The following LRMDA variants were observed in gnomAD, a reference collection of about 807,000 sequenced individuals.
LRMDA encodes the protein leucine-rich melanocyte differentiation-associated protein.
In LRMDA, 18 loss-of-function variants were observed where a neutral mutation model predicts 29.8. The ratio of observed to expected loss-of-function variants is 0.60; its 90% CI spans 0.42 to 0.90. The LOEUF (loss-of-function observed/expected upper bound fraction) is 0.90. Among genes scored for constraint, LRMDA ranks in the 40% least tolerant of loss-of-function variants. The pLI is 0.00. For missense variants in LRMDA, 273 were observed against 273.9 expected (o/e 1.00, Z 0.02); for synonymous variants, 125 against 109.4 (o/e 1.14, Z -0.89).
intron 2 of LRMDA, among the ~76,000 whole-genome samples, chr10:75,725,196 A>G (rs1436926503): frequency 4.6e-5 from 7 of 152,216 alleles, no homozygotes; most frequent in African/African-American, 1.7e-4. Context: ...GGAGAATCCA[A>G]TCCCCTTTTT....
intron 2 of LRMDA, among the ~76,000 whole-genome samples, chr10:75,904,583 G>A (rs1003851097): frequency 6.6e-6 from 1 of 152,174 alleles, no homozygotes; most frequent in African/African-American, 2.4e-5. Flanking sequence ...ACACTAAAGA[G>A]GACAGTTTTT....
intron 2 of LRMDA, among the ~76,000 whole-genome samples, chr10:75,825,742 G>T (rs1247204774): frequency 6.6e-6 from 1 of 152,174 alleles, no homozygotes; most frequent in African/African-American, 2.4e-5. Flanking sequence ...ACATTATTCT[G>T]CATCTTTTCG....
At chr10:75,915,415 C>A (rs942721033) in intron 2 of LRMDA, among the ~76,000 whole-genome samples, 1 of 151,788 alleles carries the variant, frequency 6.6e-6, no homozygotes, top group South Asian at 2.1e-4. Flanking sequence ...GGATTATAGG[C>A]GTGAGCCACT....
At chr10:75,498,986 C>T (rs2132067465) in intron 2 of LRMDA, among the ~76,000 whole-genome samples, 1 of 152,138 alleles carries the variant, frequency 6.6e-6, no homozygotes, top group African/African-American at 2.4e-5. Flanking sequence ...TGAGTGCCTA[C>T]TGTGTGCAGG....
At chr10:75,764,242 T>C (rs1049769740) in intron 2 of LRMDA, among the ~76,000 whole-genome samples, 3 of 152,174 alleles carry the variant, frequency 2.0e-5, no homozygotes, top group Non-Finnish European at 2.9e-5. Context: ...TCTGTAACCA[T>C]GTCATCAACG....
intron 2 of LRMDA, among the ~76,000 whole-genome samples, chr10:75,571,750 CTAGT>C (rs1444472788): frequency 6.6e-6 from 1 of 152,066 alleles, no homozygotes; most frequent in Non-Finnish European, 1.5e-5. Context: ...TTTTGGGACT[CTAGT>C]TATCTGACCA....
intron 2 of LRMDA, among the ~76,000 whole-genome samples, chr10:75,826,496 C>T (rs112259869): frequency 1.3e-5 from 2 of 152,254 alleles, no homozygotes; most frequent in African/African-American, 4.8e-5. Flanking sequence ...ACACCTTACT[C>T]GGCCTGACAC....
At chr10:75,600,331 G>A (rs1049156228) in intron 2 of LRMDA, among the ~76,000 whole-genome samples, 4 of 152,304 alleles carry the variant, frequency 2.6e-5, no homozygotes, top group Admixed American at 1.3e-4. Flanking sequence ...TGCCTTGGCT[G>A]TACTTTCTGG....
intron 6 of LRMDA, among the ~76,000 whole-genome samples, chr10:76,431,423 G>T (rs748979124): frequency 2.6e-5 from 4 of 152,150 alleles, no homozygotes; most frequent in African/African-American, 4.8e-5. Flanking sequence ...TAAAAGCACA[G>T]ACTTCAGAGT....
At chr10:76,349,316 G>A (rs1354118246) in intron 6 of LRMDA, among the ~76,000 whole-genome samples, 1 of 152,136 alleles carries the variant, frequency 6.6e-6, no homozygotes, top group African/African-American at 2.4e-5. Flanking sequence ...GGAAGCCAAT[G>A]GGGTTGGCTG....
chr10:75,586,322 C>T (rs1594334), intron 2 of LRMDA, among the ~76,000 whole-genome samples: 1 of 128,052 alleles, frequency 7.8e-6, no homozygotes. Flanking sequence ...GGTTCCATTT[C>T]TTCACATCTT....
intron 5 of LRMDA, among the ~76,000 whole-genome samples, chr10:76,122,113 T>C (rs1179594824): frequency 6.6e-6 from 1 of 152,176 alleles, no homozygotes; most frequent in African/African-American, 2.4e-5. Flanking sequence ...CTAAGTGATA[T>C]ACAATTATTT....
chr10:75,989,354 A>G (rs1462338449), intron 2 of LRMDA, among the ~76,000 whole-genome samples: 1 of 152,248 alleles, frequency 6.6e-6, no homozygotes. Flanking sequence ...TCATGGCCGA[A>G]GGCAAAGAGG....
chr10:75,570,199 T>C (rs1840421739), intron 2 of LRMDA, among the ~76,000 whole-genome samples: 1 of 152,206 alleles, frequency 6.6e-6, no homozygotes, highest in Non-Finnish European at 1.5e-5. Flanking sequence ...ATCTATAAAA[T>C]GGAAGTAAAT....
chr10:76,073,275 CTA>C (rs1254547868), intron 5 of LRMDA, among the ~76,000 whole-genome samples: 1 of 152,172 alleles, frequency 6.6e-6, no homozygotes, highest in Non-Finnish European at 1.5e-5. Context: ...ATATGTGACT[CTA>C]TGACACATGT....
intron 2 of LRMDA, among the ~76,000 whole-genome samples, chr10:75,591,229 G>GC (rs938204658): frequency 1.2e-4 from 18 of 151,948 alleles, no homozygotes; most frequent in African/African-American, 3.9e-4. Flanking sequence ...AATGAAGACT[G>GC]CCCCCCCACC....
intron 5 of LRMDA, among the ~76,000 whole-genome samples, chr10:76,294,312 G>T (rs540586579): frequency 1.3e-5 from 2 of 152,096 alleles, no homozygotes; most frequent in Non-Finnish European, 2.9e-5. Context: ...TCTTTGCTTT[G>T]CTGATTGCTC....
chr10:76,027,356 G>A (rs554924826), intron 2 of LRMDA, among the ~76,000 whole-genome samples: 1 of 152,268 alleles, frequency 6.6e-6, no homozygotes, highest in East Asian at 1.9e-4. Context: ...GAATTGTCTT[G>A]TTTTATTTAA....
intron 5 of LRMDA, among the ~76,000 whole-genome samples, chr10:76,154,724 A>G (rs932305909): frequency 1.3e-5 from 2 of 152,226 alleles, no homozygotes; most frequent in African/African-American, 4.8e-5. Flanking sequence ...TGGGATTAAC[A>G]TTCAGCATCA....
Sources: allele counts gnomAD v4.1 joint callset (sites outside exome capture counted in the v4.1 genomes callset), GRCh38; gene constraint gnomAD v4.1.1; transcripts MANE v1.5; gene names NCBI Gene and HGNC (gene_info 2026-07-23, HGNC 2026-07-21).